Variants in GRID2 observed in about 807,000 individuals in gnomAD.
GRID2 encodes the protein glutamate receptor ionotropic, delta-2.
GRID2 carries 33 observed loss-of-function variants against 114.8 expected under a neutral mutation model. That is an observed-to-expected ratio of 0.29 (90% CI 0.22 to 0.38). The LOEUF (loss-of-function observed/expected upper bound fraction) is 0.38, where lower values mean the gene tolerates loss of function less well. GRID2 is among the 10% of genes least tolerant of loss of function. The pLI, the probability that GRID2 is intolerant of heterozygous loss-of-function variation, is 1.00. For synonymous variants in GRID2, 505 were observed against 449.9 expected, an observed-to-expected ratio of 1.12 and a Z score of -1.55; for missense variants, 1,184 against 1,257.7, an observed-to-expected ratio of 0.94 and a Z score of 0.89.
intron 1 of GRID2, among the ~76,000 whole-genome samples, chr4:92,541,883 T>A (rs961329468): frequency 7.9e-5 from 12 of 152,254 alleles, no homozygotes; most frequent in Non-Finnish European, 1.6e-4. Context: ...GTGATTTTTT[T>A]TAAATAGGTG....
intron 2 of GRID2, among the ~76,000 whole-genome samples, chr4:92,943,154 C>T (rs938983324): frequency 8.5e-5 from 13 of 152,192 alleles, no homozygotes; most frequent in African/African-American, 3.1e-4. Flanking sequence ...GGATAATATC[C>T]TGCAGGGTGT....
At chr4:93,732,173 A>G (rs912417612) in intron 14 of GRID2, among the ~76,000 whole-genome samples, 5 of 152,176 alleles carry the variant, frequency 3.3e-5, no homozygotes, top group Non-Finnish European at 7.4e-5. Context: ...TAGATTTTCC[A>G]TGGAGGATGT....
At chr4:93,539,724 C>G (rs1160257608) in intron 13 of GRID2, among the ~76,000 whole-genome samples, 1 of 152,042 alleles carries the variant, frequency 6.6e-6, no homozygotes, top group Non-Finnish European at 1.5e-5. Flanking sequence ...AGAATCCTTT[C>G]TTCCTTCAGA....
At chr4:92,533,102 C>G (rs1011226427) in intron 1 of GRID2, among the ~76,000 whole-genome samples, 2 of 151,844 alleles carry the variant, frequency 1.3e-5, no homozygotes, top group African/African-American at 4.8e-5. Flanking sequence ...AATTTTTATT[C>G]TCCCTTTCTG....
chr4:93,152,905 C>T (rs959074155), intron 4 of GRID2, among the ~76,000 whole-genome samples: 12 of 151,976 alleles, frequency 7.9e-5, no homozygotes, highest in African/African-American at 2.9e-4. Context: ...ATAACATGCT[C>T]AAAACAACCA....
chr4:93,269,098 C>G (rs1472347489), intron 8 of GRID2, among the ~76,000 whole-genome samples: 1 of 151,952 alleles, frequency 6.6e-6, no homozygotes, highest in Non-Finnish European at 1.5e-5. Flanking sequence ...AGGGTCACAT[C>G]CAGGCATATT....
At chr4:93,626,148 A>G in intron 13 of GRID2, 121 bp from the exon 14 acceptor site, 1 of 585,982 alleles carries the variant, frequency 1.7e-6, no homozygotes, top group Non-Finnish European at 3.0e-6. Flanking sequence ...GGATGATTAT[A>G]TGTTCTATTA....
intron 2 of GRID2, among the ~76,000 whole-genome samples, chr4:92,941,972 G>T (rs1160472574): frequency 6.6e-6 from 1 of 152,136 alleles, no homozygotes; most frequent in Admixed American, 6.6e-5. Flanking sequence ...ATTTGCTGAG[G>T]AATGCTTTAC....
At chr4:92,649,295 A>G (rs925397359) in intron 2 of GRID2, among the ~76,000 whole-genome samples, 11 of 149,700 alleles carry the variant, frequency 7.3e-5, no homozygotes, top group Non-Finnish European at 1.3e-4. Flanking sequence ...GTGAAATTCA[A>G]AGTTTGAAGG....
intron 1 of GRID2, among the ~76,000 whole-genome samples, chr4:93,796,600 G>T (rs1254703407): frequency 1.3e-5 from 2 of 152,176 alleles, no homozygotes; most frequent in South Asian, 2.1e-4. Flanking sequence ...CTAGAGTGCC[G>T]TGGCGCTATC....
chr4:92,668,106 G>T (rs915149744), intron 2 of GRID2, among the ~76,000 whole-genome samples: 40 of 151,726 alleles, frequency 2.6e-4, no homozygotes, highest in African/African-American at 9.4e-4. Context: ...GGAGGCTGTT[G>T]GTACTGCTCT....
intron 2 of GRID2, among the ~76,000 whole-genome samples, chr4:92,946,113 G>A (rs1319962533): frequency 6.6e-6 from 1 of 152,026 alleles, no homozygotes; most frequent in Non-Finnish European, 1.5e-5. Context: ...ATATTTTCTA[G>A]TCCATATTCT....
At chr4:92,770,562 A>G (rs1738492297) in intron 2 of GRID2, among the ~76,000 whole-genome samples, 1 of 152,090 alleles carries the variant, frequency 6.6e-6, no homozygotes, top group Non-Finnish European at 1.5e-5. Context: ...GGTTTATTGG[A>G]CTTAACAGTT....
At chr4:92,713,981 C>T (rs1479531788) in intron 2 of GRID2, among the ~76,000 whole-genome samples, 1 of 152,046 alleles carries the variant, frequency 6.6e-6, no homozygotes, top group Non-Finnish European at 1.5e-5. Flanking sequence ...CCCAACAGTC[C>T]CCCAAAGTCT....
intron 2 of GRID2, among the ~76,000 whole-genome samples, chr4:92,778,184 T>C (rs1017216608): frequency 6.6e-6 from 1 of 152,152 alleles, no homozygotes; most frequent in Non-Finnish European, 1.5e-5. Context: ...ATGAGAACTT[T>C]TTCAACACCT....
chr4:93,671,788 C>A (rs1219661939), intron 14 of GRID2, among the ~76,000 whole-genome samples: 1 of 151,774 alleles, frequency 6.6e-6, no homozygotes, highest in South Asian at 2.1e-4. Flanking sequence ...GACCAACATG[C>A]TGAAACCCTG....
At chr4:92,687,539 C>A (rs915713265) in intron 2 of GRID2, among the ~76,000 whole-genome samples, 5 of 151,926 alleles carry the variant, frequency 3.3e-5, no homozygotes, top group African/African-American at 1.2e-4. Flanking sequence ...TTTAAAAATA[C>A]CTTATTGGGG....
At chr4:93,111,058 C>A (rs1325643513) in intron 4 of GRID2, 105 bp downstream of exon 4, 2 of 710,256 alleles carry the variant, frequency 2.8e-6, no homozygotes, top group Non-Finnish European at 4.9e-6. Context: ...AGGGAATTAA[C>A]TACACAATTC....
chr4:93,766,122 G>A (rs938528270), intron 14 of GRID2, among the ~76,000 whole-genome samples: 3 of 152,158 alleles, frequency 2.0e-5, no homozygotes, highest in Non-Finnish European at 2.9e-5. Context: ...ACACACTCTC[G>A]AAAATGGAAC....
Sources: gnomAD v4.1 joint callset for allele counts (sites outside exome capture counted in the v4.1 genomes callset) on GRCh38, gnomAD v4.1.1 for gene constraint, MANE v1.5 for transcripts, NCBI Gene and HGNC (gene_info 2026-07-23, HGNC 2026-07-21) for gene names.